DPPA4: variants seen among roughly 807,000 people sequenced by gnomAD.
The protein encoded by DPPA4 is developmental pluripotency associated 4.
In DPPA4, 22 loss-of-function variants were observed where a neutral mutation model predicts 33.7. The observed-to-expected ratio is 0.65, with a 90% confidence interval of 0.47 to 0.93. The LOEUF (loss-of-function observed/expected upper bound fraction) is 0.93, where lower values mean the gene tolerates loss of function less well. Ranked by LOEUF, DPPA4 falls within the 40% of genes least tolerant of loss-of-function variation. The pLI is 0.00. For missense variants in DPPA4, 340 were observed against 358.6 expected (o/e 0.95, Z 0.42); for synonymous variants, 156 against 132.3 (o/e 1.18, Z -1.23).
chr3:109,338,883 G>A (rs147771350), upstream of DPPA4, among the ~76,000 whole-genome samples: 542 of 152,178 alleles, frequency 3.6e-3, 1 homozygote, highest in African/African-American at 0.012. Context: ...GTAATTGAAC[G>A]TAACATTCAG....
intron 2 of DPPA4, among the ~76,000 whole-genome samples, chr3:109,332,845 A>C (rs182853201): frequency 6.0e-4 from 91 of 152,264 alleles, no homozygotes; most frequent in Non-Finnish European, 1.1e-3. Flanking sequence ...TAATCCCAGC[A>C]CTTTGGGAGG....
chr3:109,334,089 A>G (rs985632089), intron 1 of DPPA4, 96 bp from the exon 2 acceptor site: 9 of 1,349,534 alleles, frequency 6.7e-6, no homozygotes, highest in Non-Finnish European at 9.1e-6. Context: ...GCACCAACGC[A>G]GTTACTGGAC....
chr3:109,337,586 G>A (rs1708241346), upstream of DPPA4: 13 of 1,449,646 alleles, frequency 9.0e-6, no homozygotes, highest in South Asian at 1.5e-4. Flanking sequence ...GCCGCCCGAA[G>A]ACCCTTTTTC....
At position 109,337,501 on chromosome 3, in the gene DPPA4, G is replaced by A; in HGVS notation, c.17C>T (p.Ala6Val). 1.2e-6 allele frequency: 2 copies of A among 1,614,128 alleles called. No homozygotes were observed. Among genetic ancestry groups the A allele is most frequent in the Non-Finnish European group, 1.7e-6 (2 of 1,180,030 alleles). MLRGSASSTSMEKAKG... is the reference protein window; with the variant it reads MLRGSVSSTSMEKAKG... ...TGCCTTCTCCATACTTGTAGAAGAA[G>A]CGGAGCCTCGCAACATGCTTCCAAA... The change falls in exon 1 of 7, where the codon GCT becomes GTT. Residue 6 changes from alanine to valine, a missense_variant. By Grantham distance (64) the Ala-to-Val change is moderately conservative. Around this residue, in one of 3 missense-constraint regions of DPPA4, gnomAD observed 96 missense variants for 91.8 expected, o/e 1.05. Transcript: ENST00000335658.
At chr3:109,338,721 A>G (rs1228140411), upstream of DPPA4, among the ~76,000 whole-genome samples, 1 of 152,174 alleles carries the variant, frequency 6.6e-6, no homozygotes, top group Non-Finnish European at 1.5e-5. Flanking sequence ...CCAAGGCGGC[A>G]AAGAGGAAAC....
intron 5 of DPPA4, 195 bp downstream of exon 5, chr3:109,330,329 A>AG: frequency 2.7e-6 from 1 of 366,428 alleles, no homozygotes; most frequent in Non-Finnish European, 4.7e-6. Context: ...AAAAAAAAAA[A>AG]AAGGAAAAAA....
rs2107342208 is a variant in DPPA4 at position 109,330,558 on chromosome 3, T to C, written c.645A>G (p.Thr215=). 6.2e-7 allele frequency: 1 copy of C among 1,614,108 alleles called. No individual in the cohort carries two copies. The highest frequency in any genetic ancestry group is 2.2e-5 in the East Asian group (1 of 44,854). ...CTTGTGGAGATTCCACTGCCTCTGG[T>C]GTCCTCGCCCTGGCTGAAATTCTCG... ...SWARISARAR[T]PEAVESPQEA... Residue 215 remains threonine (T), a synonymous_variant, in exon 5 of 7, where the codon ACA becomes ACG. Coordinates refer to ENST00000335658, the MANE Select transcript of DPPA4 (RefSeq NM_018189.4).
chr3:109,337,683 T>G (rs1266339500), upstream of DPPA4: 2 of 641,922 alleles, frequency 3.1e-6, no homozygotes, highest in Non-Finnish European at 5.6e-6. Flanking sequence ...TTCTTATTCA[T>G]GGGGTGACTT....
chr3:109,329,144 G>C (rs945702719), intron 5 of DPPA4, 56 bp from the exon 6 acceptor site: 3 of 1,509,248 alleles, frequency 2.0e-6, no homozygotes, highest in Non-Finnish European at 2.7e-6. Flanking sequence ...ACATACTGAT[G>C]TAAGACTGCA....
intron 5 of DPPA4, chr3:109,329,803 A>G (rs1038781972): frequency 6.6e-6 from 1 of 152,406 alleles, no homozygotes; most frequent in African/African-American, 2.4e-5. Flanking sequence ...GCTGGGAAAT[A>G]TTTTAAATAA....
chr3:109,335,063 A>T (rs994257539), intron 1 of DPPA4, among the ~76,000 whole-genome samples: 2 of 152,202 alleles, frequency 1.3e-5, no homozygotes, highest in Admixed American at 1.3e-4. Context: ...AGTGGGGAAA[A>T]GTTGTTTAAT....
intron 2 of DPPA4, among the ~76,000 whole-genome samples, chr3:109,332,947 G>A (rs1056682012): frequency 1.3e-5 from 2 of 152,090 alleles, no homozygotes; most frequent in Non-Finnish European, 2.9e-5. Context: ...TTAGCTGGGC[G>A]TGGTGGCACA....
At chr3:109,329,250 T>C (rs768247071) in intron 5 of DPPA4, 162 bp from the exon 6 acceptor site, 5 of 685,864 alleles carry the variant, frequency 7.3e-6, no homozygotes, top group Admixed American at 2.9e-5. Context: ...TAGAAAAGCA[T>C]ACAAGCTGGG....
At position 109,330,823 on chromosome 3, in the gene DPPA4, G is replaced by A. The variant is rs773759948; in HGVS notation, c.391-11C>T. On this transcript the variant is annotated splice_polypyrimidine_tract_variant and intron_variant, in intron 4 of 6. Coordinates refer to ENST00000335658, the MANE Select transcript of DPPA4 (RefSeq NM_018189.4). ...TGTGCTAGGAAAATCCTACAAAAAG[G>A]GTTAAATAATAAAGATAAAAATACA... 43 of 1,580,072 alleles carry A rather than the reference G, an allele frequency of 2.7e-5. No homozygotes were observed. The highest frequency in any genetic ancestry group is 3.8e-4 in the Middle Eastern group (2 of 5,322).
chr3:109,335,307 T>C (rs1182370409), intron 1 of DPPA4, among the ~76,000 whole-genome samples: 1 of 152,112 alleles, frequency 6.6e-6, no homozygotes, highest in Non-Finnish European at 1.5e-5. Flanking sequence ...TAATTTTTTG[T>C]AGAGGTGAGG....
intron 2 of DPPA4, chr3:109,333,349 CAA>C (rs56044946): frequency 0.019 from 1,819 of 96,934 alleles, 5 homozygotes; most frequent in African/African-American, 0.063. Flanking sequence ...CTTGGTGTCT[CAA>C]AAAAAAAAAA....
At chr3:109,333,814 T>C in intron 2 of DPPA4, 56 bp downstream of exon 2, 1 of 1,590,134 alleles carries the variant, frequency 6.3e-7, no homozygotes, top group East Asian at 2.2e-5. Context: ...TCAGAAAAAT[T>C]CCTCTGGCTT....
At chr3:109,338,310 AT>A (rs1481734072), upstream of DPPA4, among the ~76,000 whole-genome samples, 8 of 152,210 alleles carry the variant, frequency 5.3e-5, no homozygotes, top group Admixed American at 2.6e-4. Context: ...TAAAGTTGGT[AT>A]AAATTTTTAT....
rs745469049 is a variant in DPPA4, at chr3:109,330,517, C to T, written c.679+7G>A. The T allele has an allele frequency of 1.7e-5, 28 of 1,613,804 alleles. No individual in the cohort carries two copies. The Admixed American group carries it at 2.3e-4, about 13-fold the overall frequency. On this transcript the variant is annotated splice_region_variant and intron_variant, in intron 5 of 6. Transcript: ENST00000335658. ...GGACCAGAATAAGCTCTTCATGTTG[C>T]GCTTACCAGAGGCCTCTTGTGGAGA...
Sources: allele counts gnomAD v4.1 joint callset (sites outside exome capture counted in the v4.1 genomes callset), GRCh38; gene constraint gnomAD v4.1.1; regional missense constraint gnomAD v4.1.1; transcripts MANE v1.5; gene names NCBI Gene and HGNC (gene_info 2026-07-23, HGNC 2026-07-21).